Variants in AGBL1 observed in about 807,000 individuals in gnomAD.
The protein encoded by AGBL1 is AGBL carboxypeptidase 1, also known as cytosolic carboxypeptidase 4.
In AGBL1, 130 loss-of-function variants were observed where a neutral mutation model predicts 118.9. The ratio of observed to expected loss-of-function variants is 1.09; its 90% CI spans 0.95 to 1.26. The LOEUF is 1.26. Ranked by LOEUF, AGBL1 falls within the 50% of genes most tolerant of loss-of-function variation. The pLI, the probability that AGBL1 is intolerant of heterozygous loss-of-function variation, is 0.00. For synonymous variants in AGBL1, 555 were observed against 478.9 expected, an observed-to-expected ratio of 1.16 and a Z score of -2.08; for missense variants, 1,584 against 1,298.1, an observed-to-expected ratio of 1.22 and a Z score of -3.38.
At chr15:86,862,707 G>A (rs776941458) in intron 22 of AGBL1, among the ~76,000 whole-genome samples, 2 of 152,162 alleles carry the variant, frequency 1.3e-5, no homozygotes, top group African/African-American at 4.8e-5. Flanking sequence ...TTGACAGAAC[G>A]AGACTCCATC....
intron 1 of AGBL1, among the ~76,000 whole-genome samples, chr15:86,116,175 T>G (rs1027520233): frequency 3.9e-5 from 6 of 152,248 alleles, no homozygotes; most frequent in African/African-American, 9.6e-5. Context: ...TTTGTGAGTA[T>G]TGCTCTAGGT....
chr15:86,982,117 T>C (rs893679160), intron 23 of AGBL1, among the ~76,000 whole-genome samples: 12 of 152,184 alleles, frequency 7.9e-5, no homozygotes, highest in Admixed American at 2.0e-4. Flanking sequence ...TTCTTCTTAA[T>C]GTCCTCCCAA....
At chr15:87,024,768 T>A (rs758243865) in intron 24 of AGBL1, among the ~76,000 whole-genome samples, 9 of 151,828 alleles carry the variant, frequency 5.9e-5, no homozygotes, top group Non-Finnish European at 1.3e-4. Flanking sequence ...CAACAATATA[T>A]CAAAAAGAAA....
At chr15:86,377,453 G>T (rs1267418023) in intron 17 of AGBL1, among the ~76,000 whole-genome samples, 1 of 152,118 alleles carries the variant, frequency 6.6e-6, no homozygotes, top group Admixed American at 6.5e-5. Context: ...GCCTACTCTA[G>T]CAGCATTTTT....
intron 18 of AGBL1, among the ~76,000 whole-genome samples, chr15:86,434,572 G>A (rs1440532602): frequency 6.6e-6 from 1 of 152,162 alleles, no homozygotes; most frequent in East Asian, 1.9e-4. Context: ...TGTCATTATG[G>A]CTAATTAACA....
At chr15:86,437,676 A>T (rs917663375) in intron 18 of AGBL1, among the ~76,000 whole-genome samples, 5 of 152,156 alleles carry the variant, frequency 3.3e-5, no homozygotes, top group Non-Finnish European at 5.9e-5. Flanking sequence ...ACACGGAGTG[A>T]GCACTTCAGG....
chr15:86,418,469 G>C (rs1019964923), intron 18 of AGBL1, among the ~76,000 whole-genome samples: 8 of 152,278 alleles, frequency 5.3e-5, no homozygotes, highest in African/African-American at 1.4e-4. Context: ...CTTGGTTACA[G>C]GTGCTGGTTT....
chr15:86,571,729 G>A (rs2084010108), intron 21 of AGBL1, among the ~76,000 whole-genome samples: 1 of 152,182 alleles, frequency 6.6e-6, no homozygotes, highest in South Asian at 2.1e-4. Flanking sequence ...GAGGAAGCGG[G>A]TGCTGATTGA....
intron 23 of AGBL1, among the ~76,000 whole-genome samples, chr15:86,959,837 C>A (rs973037570): frequency 6.6e-6 from 1 of 152,026 alleles, no homozygotes; most frequent in African/African-American, 2.4e-5. Context: ...CTCTCCACTT[C>A]TCTATTTCCA....
chr15:86,528,043 C>T (rs573612154), intron 19 of AGBL1, among the ~76,000 whole-genome samples: 1 of 152,134 alleles, frequency 6.6e-6, no homozygotes, highest in Non-Finnish European at 1.5e-5. Context: ...AATTATGGTG[C>T]TACGTGTCAG....
Position 86,913,378 on chromosome 15 carries a change from G to A in AGBL1, c.*6084G>A, listed in dbSNP as rs889600037. On this transcript the variant is annotated 3_prime_UTR_variant, in exon 23 of 23. Transcript: ENST00000614907. The stretch of plus-strand genomic sequence containing the variant: ...GATGAAGGCCTTTTGGGCAGAAGAC[G>A]GGACTCATCTCTCATTAGCATGTGA... 5 of 152,176 alleles carry A rather than the reference G, an allele frequency of 3.3e-5. No homozygotes were observed. Among genetic ancestry groups the A allele is most frequent in the Non-Finnish European group, 5.9e-5 (4 of 68,044 alleles). 9.4% of individuals were successfully genotyped at this position (152,176 alleles called of 1,614,324 possible).
intron 21 of AGBL1, among the ~76,000 whole-genome samples, chr15:86,579,104 C>T (rs1325617386): frequency 6.6e-6 from 1 of 152,114 alleles, no homozygotes; most frequent in Admixed American, 6.5e-5. Context: ...CAGTGGCGTC[C>T]TAAATGCTTG....
At chr15:86,574,778 A>G (rs898315153) in intron 21 of AGBL1, among the ~76,000 whole-genome samples, 2 of 149,128 alleles carry the variant, frequency 1.3e-5, no homozygotes, top group African/African-American at 4.9e-5. Context: ...GGGTTTCACC[A>G]TGTTGGCCAG....
chr15:86,761,486 AG>A (rs1424127065), intron 22 of AGBL1, among the ~76,000 whole-genome samples: 3 of 152,106 alleles, frequency 2.0e-5, no homozygotes, highest in African/African-American at 7.2e-5. Context: ...GGATACAGAA[AG>A]GGCATGTGAA....
intron 22 of AGBL1, among the ~76,000 whole-genome samples, chr15:86,810,329 T>G (rs902199361): frequency 3.3e-5 from 5 of 152,068 alleles, no homozygotes; most frequent in African/African-American, 1.2e-4. Flanking sequence ...GACCAAATAT[T>G]TTCTTGCCTG....
intron 22 of AGBL1, among the ~76,000 whole-genome samples, chr15:86,755,434 C>G (rs1323652708): frequency 6.6e-6 from 1 of 152,076 alleles, no homozygotes; most frequent in East Asian, 1.9e-4. Flanking sequence ...GTGAAAAGCA[C>G]AGCTAAAGTT....
At chr15:86,585,232 G>T (rs1256703294) in intron 21 of AGBL1, among the ~76,000 whole-genome samples, 1 of 151,996 alleles carries the variant, frequency 6.6e-6, no homozygotes, top group Non-Finnish European at 1.5e-5. Flanking sequence ...AGTTTTATTT[G>T]TGCAAATGCC....
At chr15:86,565,493 C>T (rs1020361519) in intron 21 of AGBL1, among the ~76,000 whole-genome samples, 1 of 152,228 alleles carries the variant, frequency 6.6e-6, no homozygotes, top group African/African-American at 2.4e-5. Flanking sequence ...CCTCTGGAAG[C>T]TTTGTCTCAG....
At chr15:86,525,702 C>A (rs1054226346) in intron 19 of AGBL1, among the ~76,000 whole-genome samples, 1 of 152,198 alleles carries the variant, frequency 6.6e-6, no homozygotes, top group Admixed American at 6.5e-5. Flanking sequence ...TCACCAAATA[C>A]AAAAATTAAC....
Sources: gnomAD v4.1 joint callset for allele counts (sites outside exome capture counted in the v4.1 genomes callset) on GRCh38, gnomAD v4.1.1 for gene constraint, MANE v1.5 for transcripts, NCBI Gene and HGNC (gene_info 2026-07-23, HGNC 2026-07-21) for gene names.